Variants in CREB3L2 observed in about 807,000 individuals in gnomAD.
CREB3L2 encodes cyclic AMP-responsive element-binding protein 3-like protein 2.
CREB3L2 carries 23 observed loss-of-function variants against 57.2 expected under a neutral mutation model. That is an observed-to-expected ratio of 0.40 (90% CI 0.29 to 0.57). The LOEUF (loss-of-function observed/expected upper bound fraction) is 0.57, where lower values mean the gene tolerates loss of function less well. CREB3L2 is among the 20% of genes least tolerant of loss of function. The probability of loss-of-function intolerance (pLI) is 0.42; values close to 1 mark genes in which losing one functional copy is unlikely to be tolerated. For synonymous variants in CREB3L2, 268 were observed against 265.1 expected, an observed-to-expected ratio of 1.01 and a Z score of -0.11; for missense variants, 628 against 634.7, an observed-to-expected ratio of 0.99 and a Z score of 0.11.
chr7:137,931,594 G>A (rs1224584100), intron 1 of CREB3L2, among the ~76,000 whole-genome samples: 1 of 151,756 alleles, frequency 6.6e-6, no homozygotes, highest in Non-Finnish European at 1.5e-5. Context: ...AACTCTGGGA[G>A]GCCGAGGAAG....
chr7:137,975,881 G>A (rs554384652), intron 1 of CREB3L2, among the ~76,000 whole-genome samples: 1 of 152,222 alleles, frequency 6.6e-6, no homozygotes, highest in Non-Finnish European at 1.5e-5. Context: ...TTAAAAGGCT[G>A]ACCTTAGAAT....
intron 1 of CREB3L2, among the ~76,000 whole-genome samples, chr7:137,975,656 G>A (rs1233002513): frequency 1.3e-5 from 2 of 152,040 alleles, no homozygotes; most frequent in African/African-American, 4.8e-5. Flanking sequence ...TGCTCTCTGC[G>A]TCTTCCAGCA....
At position 137,881,068 on chromosome 7, in the gene CREB3L2, T is replaced by C. The variant is rs150195850; in HGVS notation, c.1488-517A>G. 2.0e-4 allele frequency among the ~76,000 whole-genome samples: 31 copies of C among 152,332 alleles called. No homozygotes were observed. The East Asian group carries it at 5.8e-3, about 28-fold the overall frequency. On this transcript the variant is annotated intron_variant, in intron 11 of 11. Coordinates refer to ENST00000330387, the MANE Select transcript of CREB3L2 (RefSeq NM_194071.4). ...TCAGAGGAGGGCTAGGAGGCTTTGT[T>C]ATCTAGGAGACATCACAGAACAAAT...
At chr7:137,889,713 C>T (rs1799496559) in intron 8 of CREB3L2, among the ~76,000 whole-genome samples, 1 of 152,132 alleles carries the variant, frequency 6.6e-6, no homozygotes, top group Non-Finnish European at 1.5e-5. Context: ...TCAGTCATCC[C>T]CAGAATCCAA....
chr7:137,946,288 T>C (rs191579216), intron 1 of CREB3L2, among the ~76,000 whole-genome samples: 5 of 152,154 alleles, frequency 3.3e-5, no homozygotes. Flanking sequence ...CAGTTGACTC[T>C]GAGTTCATCA....
intron 3 of CREB3L2, among the ~76,000 whole-genome samples, chr7:137,915,308 TTATTAC>T (rs1800103978): frequency 6.6e-6 from 1 of 152,118 alleles, no homozygotes; most frequent in Non-Finnish European, 1.5e-5. Flanking sequence ...ATAGGTGTTA[TTATTAC>T]TATTACTATT....
intron 1 of CREB3L2, among the ~76,000 whole-genome samples, chr7:137,942,546 T>C (rs1373145776): frequency 6.6e-6 from 1 of 151,990 alleles, no homozygotes; most frequent in South Asian, 2.1e-4. Context: ...CTTGGTAGAG[T>C]TGAAGAATTT....
At chr7:137,993,112 C>G (rs903570365) in intron 1 of CREB3L2, among the ~76,000 whole-genome samples, 2 of 152,212 alleles carry the variant, frequency 1.3e-5, no homozygotes, top group African/African-American at 4.8e-5. Context: ...ATGACAGGCT[C>G]TCTCCACTTT....
At position 137,916,099 on chromosome 7, in the gene CREB3L2, A is replaced by G. The variant is rs190987377; in HGVS notation, c.320-87T>C. ...AAGCGACCACTAGTCTTTCTCCCCA[A>G]AAAAGCTCAGTGAAGGATGATTGAA... On this transcript the variant is annotated intron_variant, in intron 2 of 11. Coordinates refer to ENST00000330387, the MANE Select transcript of CREB3L2 (RefSeq NM_194071.4). The G allele has an allele frequency of 2.3e-5, 25 of 1,087,708 alleles. No homozygotes were observed. The East Asian group carries it at 5.1e-4, about 22-fold the overall frequency. The allele number at this position is 1,087,708 out of a possible 1,614,324, so 67.4% of individuals were successfully genotyped here.
intron 1 of CREB3L2, among the ~76,000 whole-genome samples, chr7:137,930,179 G>A (rs1032931020): frequency 1.3e-5 from 2 of 152,104 alleles, no homozygotes; most frequent in African/African-American, 2.4e-5. Flanking sequence ...TTACAGGCGT[G>A]AGCCACTGTG....
chr7:137,893,070 A>G (rs1331563988), intron 8 of CREB3L2, among the ~76,000 whole-genome samples: 1 of 152,104 alleles, frequency 6.6e-6, no homozygotes, highest in Non-Finnish European at 1.5e-5. Context: ...GCTCTGGCCT[A>G]AATGAAAAAA....
At chr7:137,981,247 G>A (rs1281568183) in intron 1 of CREB3L2, among the ~76,000 whole-genome samples, 1 of 152,194 alleles carries the variant, frequency 6.6e-6, no homozygotes, top group African/African-American at 2.4e-5. Context: ...GGGAGCCTGG[G>A]TGGAGAATAG....
chr7:137,899,539 A>T (rs865926977), intron 8 of CREB3L2, among the ~76,000 whole-genome samples: 1 of 105,662 alleles, frequency 9.5e-6, no homozygotes, highest in South Asian at 3.8e-4. Context: ...AGAGAAACAG[A>T]GCCGCCTCAG....
chr7:137,901,470 C>G, intron 7 of CREB3L2, 48 bp from the exon 8 acceptor site: 1 of 1,260,548 alleles, frequency 7.9e-7, no homozygotes, highest in Non-Finnish European at 1.2e-6. Context: ...AGAGCAAACA[C>G]TAAGCTAGGA....
chr7:137,999,176 A>T (rs1398694675), intron 1 of CREB3L2, among the ~76,000 whole-genome samples: 3 of 152,114 alleles, frequency 2.0e-5, no homozygotes, highest in Non-Finnish European at 2.9e-5. Context: ...TGCTGAGCTA[A>T]CACTCTTACC....
At chr7:137,964,222 A>G (rs1050058337) in intron 1 of CREB3L2, among the ~76,000 whole-genome samples, 2 of 152,220 alleles carry the variant, frequency 1.3e-5, no homozygotes, top group African/African-American at 4.8e-5. Flanking sequence ...AGGCTGAGGC[A>G]GGAGAATCAC....
chr7:137,905,939 C>T, intron 5 of CREB3L2, 91 bp from the exon 6 acceptor site: 3 of 1,267,420 alleles, frequency 2.4e-6, no homozygotes, highest in South Asian at 1.4e-5. Flanking sequence ...GAATCTGTTA[C>T]AATGTCTTAC....
In CREB3L2 at chr7:137,877,761, T is replaced by C. The variant is rs1046749919; in HGVS notation, c.*2715A>G. 7 of 228,398 alleles carry C rather than the reference T, an allele frequency of 3.1e-5. No homozygotes were observed. Among genetic ancestry groups the C allele is most frequent in the Non-Finnish European group, 5.2e-5 (6 of 115,280 alleles). The allele number at this position is 228,398 out of a possible 1,614,324, so 14.1% of individuals were successfully genotyped here. On this transcript the variant is annotated 3_prime_UTR_variant, in exon 12 of 12. Transcript: ENST00000330387. ...TATTTGAAATCTTTAGAGCTAATCA[T>C]AAGTTAATGACTAGTCTAAGAGGCC...
chr7:137,895,971 G>A (rs1799620923), intron 8 of CREB3L2, among the ~76,000 whole-genome samples: 2 of 152,160 alleles, frequency 1.3e-5, no homozygotes, highest in South Asian at 4.1e-4. Flanking sequence ...CACACACACA[G>A]GTGTGCATTC....
Sources: allele counts gnomAD v4.1 joint callset (sites outside exome capture counted in the v4.1 genomes callset), GRCh38; gene constraint gnomAD v4.1.1; transcripts MANE v1.5; gene names NCBI Gene and HGNC (gene_info 2026-07-23, HGNC 2026-07-21).